The following TYMP variants were observed in gnomAD, a reference collection of about 807,000 sequenced individuals.
The protein encoded by TYMP is thymidine phosphorylase.
TYMP carries 46 observed loss-of-function variants against 42.3 expected under a neutral mutation model. That is an observed-to-expected ratio of 1.09 (90% CI 0.86 to 1.39). The LOEUF (loss-of-function observed/expected upper bound fraction) is 1.39, where lower values mean the gene tolerates loss of function less well. Among genes scored for constraint, TYMP ranks in the 40% most tolerant of loss-of-function variants. The pLI is 0.00. For synonymous variants in TYMP, 363 were observed against 308.0 expected (o/e 1.18, Z -1.87); for missense variants, 837 against 677.6 (o/e 1.24, Z -2.61).
In TYMP at chr22:50,527,404, G is replaced by T. The variant is rs116736712; in HGVS notation, c.647-121C>A. The stretch of plus-strand genomic sequence containing the variant: ...ATTGAGGGTCAAGTCCCTTATTATG[G>T]GGGTGGCAGCACCTGGTGGGTTGAG... On this transcript the variant is annotated intron_variant, in intron 5 of 9. Coordinates refer to ENST00000252029, the MANE Select transcript of TYMP (RefSeq NM_001953.5). 1.8e-3 allele frequency: 2,289 copies of T among 1,239,408 alleles called. 44 individuals carry two copies. The African/African-American group carries it at 0.03, about 16-fold the overall frequency. The allele number at this position is 1,239,408 out of a possible 1,614,324, so 76.8% of individuals were successfully genotyped here.
Position 50,527,177 on chromosome 22 carries a change from C to T in TYMP, c.753G>A (p.Leu251=), listed in dbSNP as rs751870619. The T allele has an allele frequency of 6.2e-7, 1 of 1,612,884 alleles. No individual in the cohort carries two copies. The part of the protein sequence containing the change: ...VFPNQEQARE[L]AKTLVGVGAS... ...CCACACCGCTCACCAGCGTCTTTGC[C>T]AGCTCCCGGGCCTGCTCCTGGTTGG... Residue 251 remains leucine, a synonymous_variant, in exon 6 of 10, where the codon CTG becomes CTA. Coordinates refer to ENST00000252029, the MANE Select transcript of TYMP (RefSeq NM_001953.5).
chr22:50,528,372 C>T (rs1202976528), intron 4 of TYMP, 140 bp downstream of exon 4: 4 of 783,174 alleles, frequency 5.1e-6, no homozygotes, highest in Admixed American at 2.0e-5. Context: ...ATGATTTCGG[C>T]CCAGGCCCAG....
rs772137910 is a variant in TYMP at position 50,527,670 on chromosome 22, A to G, written c.564T>C (p.Ser188=). Reference sequence around the variant, plus strand: ...TTCCGTCCGCAGGAACCAGCTGCTCACTCTGACCCACGATACAGCAGCCCG... The same window carrying G: ...TTCCGTCCGCAGGAACCAGCTGCTCGCTCTGACCCACGATACAGCAGCCCG... The part of the protein sequence containing the change: ...DQAGCCIVGQ[S]EQLVPADGIL... Residue 188 remains serine, a synonymous_variant, in exon 5 of 10, where the codon AGT becomes AGC. Coordinates refer to ENST00000252029, the MANE Select transcript of TYMP (RefSeq NM_001953.5). The G allele has an allele frequency of 2.5e-6, 4 of 1,612,424 alleles. No individual in the cohort carries two copies. The East Asian group carries it at 6.7e-5, about 27-fold the overall frequency.
At chr22:50,529,869 G>A (rs968336571) in intron 1 of TYMP, 35 bp downstream of exon 1, 1 of 701,824 alleles carries the variant, frequency 1.4e-6, no homozygotes, top group Non-Finnish European at 2.3e-6. Context: ...TCTGCCTCCC[G>A]CTTCCCCGCC....
At position 50,526,140 on chromosome 22, in the gene TYMP, G is replaced by A. The variant is rs1227766129; in HGVS notation, c.1161C>T (p.Gly387=). Residue 387 remains glycine (G), a splice_region_variant and synonymous_variant, in exon 9 of 10, where the codon GGC becomes GGT. Transcript: ENST00000252029. ...GCAGCGCCCGGACCAGCTCCACGGTGCCTGCGGGGAGAGGGGCTGAGAGGC... is the reference window on the plus strand; with the variant it reads ...GCAGCGCCCGGACCAGCTCCACGGTACCTGCGGGGAGAGGGGCTGAGAGGC... ...EQEELLAPAD[G]TVELVRALPL... 9 of 1,484,684 alleles carry A rather than the reference G, an allele frequency of 6.1e-6. No homozygotes were observed. The highest frequency in any genetic ancestry group is 2.8e-5 in the East Asian group (1 of 35,852). 92.0% of individuals were successfully genotyped at this position (1,484,684 alleles called of 1,614,324 possible).
intron 3 of TYMP, 89 bp downstream of exon 3, chr22:50,529,047 C>G: frequency 7.2e-7 from 1 of 1,388,244 alleles, no homozygotes; most frequent in South Asian, 1.2e-5. Context: ...AGGCTTTGGG[C>G]CAGGCTTGAG....
At chr22:50,528,257 G>A (rs2069466944) in intron 4 of TYMP, 3 of 544,434 alleles carry the variant, frequency 5.5e-6, no homozygotes, top group South Asian at 3.8e-5. Flanking sequence ...TGCCCTCTTC[G>A]GCCTCCCCAA....
At position 50,526,571 on chromosome 22, in the gene TYMP, C is replaced by T; in HGVS notation, c.928+5G>A. On this transcript the variant is annotated splice_donor_5th_base_variant and intron_variant, in intron 7 of 9. Transcript: ENST00000252029. ...CTCCGCTCCCCTACACCCCGTCCCC[C>T]TCACCGAGCGTGGTGACCAGGTCCC... is the stretch of plus-strand genomic sequence containing the variant. 5 of 1,569,182 alleles carry T rather than the reference C, an allele frequency of 3.2e-6. No individual in the cohort carries two copies. Among genetic ancestry groups the T allele is most frequent in the African/African-American group, 1.4e-5 (1 of 73,970 alleles).
intron 3 of TYMP, 150 bp downstream of exon 3, chr22:50,528,986 G>T: frequency 2.5e-6 from 2 of 791,448 alleles, no homozygotes; most frequent in South Asian, 3.1e-5. Flanking sequence ...AACGGGGTGG[G>T]GAGAACTGTG....
intron 4 of TYMP, 63 bp downstream of exon 4, chr22:50,528,449 G>C: frequency 7.2e-7 from 1 of 1,381,226 alleles, no homozygotes; most frequent in Non-Finnish European, 1.0e-6. Flanking sequence ...TGATCTTTTA[G>C]TGATTCTGGC....
chr22:50,527,758 G>A, intron 4 of TYMP, 41 bp from the exon 5 acceptor site: 1 of 1,324,452 alleles, frequency 7.6e-7, no homozygotes, highest in Non-Finnish European at 1.1e-6. Context: ...TATGGTAAAT[G>A]ACTTAGCAGC....
At position 50,526,618 on chromosome 22, in the gene TYMP, C is replaced by G. The variant is rs1359494027; in HGVS notation, c.886G>C (p.Gly296Arg). Residue 296 changes from glycine to arginine, a missense_variant, in exon 7 of 10, where the codon GGC becomes CGC. Transcript: ENST00000252029. ...TCCCTTAAGTCTGGCGGGCCTGCGC[C>G]GTCCATGCAGAGCAGCGCCTCCTCC... ...EVEEALLCMD[G>R]AGPPDLRDLV... 2 of 1,578,498 alleles carry G rather than the reference C, an allele frequency of 1.3e-6. No individual in the cohort carries two copies. Among genetic ancestry groups the G allele is most frequent in the Admixed American group, 1.8e-5 (1 of 55,870 alleles).
At chr22:50,527,853 G>A in intron 4 of TYMP, 136 bp from the exon 5 acceptor site, 1 of 1,100,982 alleles carries the variant, frequency 9.1e-7, no homozygotes, top group Non-Finnish European at 1.3e-6. Context: ...TCGGCTCATT[G>A]TGACCTCTGC....
At position 50,529,401 on chromosome 22, in the gene TYMP, G is replaced by C. The variant is rs2069508454; in HGVS notation, c.215-63C>G. The C allele has an allele frequency of 3.7e-6, 6 of 1,605,772 alleles. No homozygotes were observed. The South Asian group carries it at 6.6e-5, about 18-fold the overall frequency. On this transcript the variant is annotated intron_variant, in intron 2 of 9. Coordinates refer to ENST00000252029, the MANE Select transcript of TYMP (RefSeq NM_001953.5). Reference sequence around the variant, plus strand: ...AGCGGTGGGGCACCCTGGGGCCGGTGCTGGTAGTGGGGCACCGTCGCACCC... The same window carrying C: ...AGCGGTGGGGCACCCTGGGGCCGGTCCTGGTAGTGGGGCACCGTCGCACCC...
At position 50,529,571 on chromosome 22, in the gene TYMP, C is replaced by A. The variant is rs550052283; in HGVS notation, c.139G>T (p.Gly47Cys). The A allele has an allele frequency of 1.9e-6, 3 of 1,613,158 alleles. No individual in the cohort carries two copies. Among genetic ancestry groups the A allele is most frequent in the Admixed American group, 3.3e-5 (2 of 60,022 alleles). ...PELIRMKRDG[G>C]RLSEADIRGF... ...CTGATGTCCGCTTCGCTCAGGCGGCCTCCGTCTCGCTTCATGCGGATCAGC... is the reference window on the plus strand; with the variant it reads ...CTGATGTCCGCTTCGCTCAGGCGGCATCCGTCTCGCTTCATGCGGATCAGC... The change falls in exon 2 of 10, where the codon GGC becomes TGC. Residue 47 changes from glycine (G) to cysteine (C), a missense_variant. Coordinates refer to ENST00000252029, the MANE Select transcript of TYMP (RefSeq NM_001953.5).
In TYMP at chr22:50,525,785, C is replaced by T; in HGVS notation, c.1434G>A (p.Leu478=). 1 of 1,610,862 alleles carries T rather than the reference C, an allele frequency of 6.2e-7. No homozygotes were observed. The highest frequency in any genetic ancestry group is 8.5e-7 in the Non-Finnish European group (1 of 1,179,070). ...CAAAGGAGCTTTATTGCTGCGGCGG[C>T]AGAACGAGCTCTGCGAAGGGCGAGG... is the stretch of plus-strand genomic sequence containing the variant. ...AAPSPFAELV[L]PPQQ Residue 478 remains leucine (L), a synonymous_variant, in exon 10 of 10, where the codon CTG becomes CTA. Transcript: ENST00000252029.
Position 50,529,615 on chromosome 22 carries a change from T to C in TYMP, c.95A>G (p.Glu32Gly). The change falls in exon 2 of 10, where the codon GAG becomes GGG. Residue 32 changes from glutamate (E) to glycine (G), a missense_variant. By Grantham distance (98) the Glu-to-Gly change is moderately conservative. Coordinates refer to ENST00000252029, the MANE Select transcript of TYMP (RefSeq NM_001953.5). ...GSQGLPDPSP[E>G]PKQLPELIRM... ...GATCAGCTCCGGGAGCTGCTTGGGC[T>C]CTGGCGAAGGGTCGGGAAGTCCCTG... The C allele has an allele frequency of 6.2e-7, 1 of 1,612,968 alleles. No individual in the cohort carries two copies. The highest frequency in any genetic ancestry group is 8.5e-7 in the Non-Finnish European group (1 of 1,179,864).
intron 2 of TYMP, 71 bp from the exon 3 acceptor site, chr22:50,529,409 T>G: frequency 1.2e-6 from 2 of 1,602,684 alleles, no homozygotes; most frequent in Non-Finnish European, 1.7e-6. Flanking sequence ...GTGCTGGTAG[T>G]GGGGCACCGT....
chr22:50,527,085 A>T, intron 6 of TYMP, 80 bp downstream of exon 6: 1 of 1,132,302 alleles, frequency 8.8e-7, no homozygotes, highest in Non-Finnish European at 1.3e-6. Flanking sequence ...GAGTGGAGGG[A>T]GGCAGTGGGG....
Sources: allele counts gnomAD v4.1 joint callset, GRCh38; gene constraint gnomAD v4.1.1; transcripts MANE v1.5; gene names NCBI Gene and HGNC (gene_info 2026-07-23, HGNC 2026-07-21).